WASHC1: variants seen among roughly 807,000 people sequenced by gnomAD.
WASHC1 encodes WASH complex subunit 1, also known as CXYorf1-like protein on chromosome 9.
In WASHC1, 11 loss-of-function variants were observed where a neutral mutation model predicts 26.1. The observed-to-expected ratio is 0.42, with a 90% CI of 0.27 to 0.70. The LOEUF is 0.70. Among genes scored for constraint, WASHC1 ranks in the 30% least tolerant of loss-of-function variants. The pLI is 0.24. For missense variants in WASHC1, 96 were observed against 304.9 expected, an observed-to-expected ratio of 0.31 and a Z score of 5.10; for synonymous variants, 37 against 126.6, an observed-to-expected ratio of 0.29 and a Z score of 4.75.
chr9:16,925 G>GA, intron 7 of WASHC1, 40 bp downstream of exon 7: 1 of 850,760 alleles, frequency 1.2e-6, no homozygotes, highest in Non-Finnish European at 1.6e-6. Flanking sequence ...TGTGAGCAGG[G>GA]AGGTCCCCGG....
exon 11 of WASHC1, chr9:14,717 G>A (rs1452008982): frequency 4.2e-6 from 6 of 1,414,516 alleles, no homozygotes; most frequent in Non-Finnish European, 4.9e-6. Context: ...CCCTCCCAGG[G>A]AAGCAGGTCT....
At chr9:15,732 A>G (rs1200351278) in intron 9 of WASHC1, among the ~76,000 whole-genome samples, 177 bp downstream of exon 9, 7 of 114,388 alleles carry the variant, frequency 6.1e-5, no homozygotes, top group African/African-American at 2.8e-4. Flanking sequence ...TAGCCCAGGC[A>G]GGAGGGCTGA....
chr9:21,127 G>A (rs1309703395), intron 2 of WASHC1, among the ~76,000 whole-genome samples: 2 of 152,294 alleles, frequency 1.3e-5, no homozygotes, highest in African/African-American at 4.8e-5. Flanking sequence ...GGCTGTGCTG[G>A]GGCCTGAGCT....
chr9:22,275 A>T (rs1288260510), intron 2 of WASHC1, among the ~76,000 whole-genome samples: 1 of 146,678 alleles, frequency 6.8e-6, no homozygotes, highest in Non-Finnish European at 1.5e-5. Flanking sequence ...GGGATGGGTG[A>T]GTGTGGCTTC....
At chr9:20,736 T>C (rs1236404815) in intron 2 of WASHC1, among the ~76,000 whole-genome samples, 1 of 95,938 alleles carries the variant, frequency 1.0e-5, no homozygotes, top group Non-Finnish European at 1.9e-5. Flanking sequence ...GAACTTGCTT[T>C]AGACACAGTT....
In WASHC1 at chr9:14,957, G is replaced by C. The variant is rs1248729962; in HGVS notation, c.1265-17C>G. On this transcript the variant is annotated splice_polypyrimidine_tract_variant and intron_variant, in intron 10 of 10. Transcript: ENST00000442898. ...CAGAGATGCCTGGAGGGAAAAGGCT[G>C]AGTGAGGGTGGTTGGTGGGAAACCC... 19 of 1,341,318 alleles carry C rather than the reference G, an allele frequency of 1.4e-5. No individual in the cohort carries two copies. The highest frequency in any genetic ancestry group is 2.6e-4 in the Middle Eastern group (1 of 3,774). 83.1% of individuals were successfully genotyped at this position (1,341,318 alleles called of 1,614,324 possible). A position where few individuals can be genotyped will look rare whatever the true frequency, so the allele number is the denominator to read the frequency against.
At chr9:20,347 C>T in intron 2 of WASHC1, among the ~76,000 whole-genome samples, 1 of 17,700 alleles carries the variant, frequency 5.6e-5, no homozygotes, top group African/African-American at 7.9e-4. Context: ...CAGCGCATCT[C>T]GAGTCAGCAG....
In WASHC1 at chr9:17,123, G is replaced by C. The variant is rs1289210602; in HGVS notation, c.725C>G (p.Pro242Arg). 6.2e-5 allele frequency: 78 copies of C among 1,258,770 alleles called. 8 individuals are homozygous for C. In the African/African-American group the frequency reaches 1.6e-3, roughly 26 times the overall value. 78.0% of individuals were successfully genotyped at this position (1,258,770 alleles called of 1,614,324 possible). A position where few individuals can be genotyped will look rare whatever the true frequency, so the allele number is the denominator to read the frequency against. The change falls in exon 7 of 11, where the codon CCT becomes CGT. Residue 242 changes from proline (P) to arginine (R), a missense_variant. Coordinates refer to ENST00000442898, the Ensembl canonical transcript of WASHC1. ...CAGGTAGGATGGAACATGGATCTCA[G>C]GCACCTGGCCCAGGTCTGGCACATA...
rs746393172 is a variant in WASHC1, at chr9:14,809, A to G, written c.1396T>C (p.Ter466GlnextTer4). 5.0e-5 allele frequency: 77 copies of G among 1,540,164 alleles called. No homozygotes were observed. The South Asian group carries it at 8.0e-4, about 16-fold the overall frequency. The change falls in exon 11 of 11, where the codon TAG becomes CAG. Residue 466 changes from the stop codon to glutamine, a stop_lost. Transcript: ENST00000442898. Reference sequence around the variant, plus strand: ...GGGGGAAGGTGTCATGGAGCCCCCTACGATTCCCAGTCGTCCTCGTCCTCC... The same window carrying G: ...GGGGGAAGGTGTCATGGAGCCCCCTGCGATTCCCAGTCGTCCTCGTCCTCC...
At chr9:14,690 C>T (rs62530146) in exon 11 of WASHC1, 11 of 990,592 alleles carry the variant, frequency 1.1e-5, no homozygotes, top group Non-Finnish European at 1.5e-5. Flanking sequence ...TCTCCACACA[C>T]TGCTGGTTCC....
At position 17,084 on chromosome 9, in the gene WASHC1, C is replaced by G; in HGVS notation, c.764G>C (p.Gly255Ala). ...ACTGTACATGAGGTCGTTGGCAATG[C>G]CGGGCAGGTCAGGCAGGTAGGATGG... The change falls in exon 7 of 11, where the codon GGC (glycine) becomes GCC (alanine). Residue 255 changes from glycine (G) to alanine (A), a missense_variant. By Grantham distance (60) the Gly-to-Ala change is moderately conservative (BLOSUM62 0). This residue lies in a region of WASHC1 where 33 missense variants were observed against 57.6 expected (regional missense o/e 0.57). Coordinates refer to ENST00000442898, the Ensembl canonical transcript of WASHC1. 6.9e-7 allele frequency: 1 copy of G among 1,449,976 alleles called. No individual in the cohort carries two copies. The highest frequency in any genetic ancestry group is 9.1e-7 in the Non-Finnish European group (1 of 1,098,094). The allele number at this position is 1,449,976 out of a possible 1,614,324, so 89.8% of individuals were successfully genotyped here.
In WASHC1 at chr9:16,667, G is replaced by A. The variant is rs1158103484; in HGVS notation, c.1042+51C>T. 6.6e-5 allele frequency: 13 copies of A among 196,704 alleles called. 2 individuals are homozygous for A. Among genetic ancestry groups the A allele is most frequent in the South Asian group, 2.5e-4 (8 of 31,444 alleles). 12.2% of individuals were successfully genotyped at this position (196,704 alleles called of 1,614,324 possible). A position where few individuals can be genotyped will look rare whatever the true frequency, so the allele number is the denominator to read the frequency against. ...TAACAAACCCACAGAAAATCCACCC[G>A]AGTGCACTGAGCACGCCAGAAATCA... On this transcript the variant is annotated intron_variant, in intron 8 of 10. Coordinates refer to ENST00000442898, the Ensembl canonical transcript of WASHC1.
intron 1 of WASHC1, chr9:28,207 TCTTTATGTAA>T (rs1817460400): frequency 1.2e-5 from 1 of 86,340 alleles, no homozygotes; most frequent in Non-Finnish European, 2.1e-5. Context: ...TCATACTTTG[TCTTTATGTAA>T]ACCTAAATTA....
chr9:21,628 T>G (rs1387830958), intron 2 of WASHC1, among the ~76,000 whole-genome samples: 8 of 148,356 alleles, frequency 5.4e-5, no homozygotes, highest in East Asian at 4.2e-4. Context: ...CTGAATCAAC[T>G]TGAAGTCCTG....
rs1368325564 is a variant in WASHC1, at chr9:17,918, T to A, written c.409-63A>T. On this transcript the variant is annotated intron_variant, in intron 4 of 10. Coordinates refer to ENST00000442898, the Ensembl canonical transcript of WASHC1. Reference sequence around the variant, plus strand: ...TGGTGCTGGGCCTAATCAGCTGCCATCCCATCCCAGTCAGCCTCCTCTGGG... The same window carrying A: ...TGGTGCTGGGCCTAATCAGCTGCCAACCCATCCCAGTCAGCCTCCTCTGGG... The A allele has an allele frequency of 7.1e-5, 10 of 140,952 alleles. 1 individual carries two copies. The highest frequency in any genetic ancestry group is 1.2e-4 in the Non-Finnish European group (10 of 83,580). The allele number at this position is 140,952 out of a possible 1,614,324, so 8.7% of individuals were successfully genotyped here. A position where few individuals can be genotyped will look rare whatever the true frequency, so the allele number is the denominator to read the frequency against.
rs1190695088 is a variant in WASHC1 at position 23,697 on chromosome 9, A to G, written c.149+1154T>C. Among the ~76,000 whole-genome samples the G allele has an allele frequency of 4.7e-4, 61 of 129,668 alleles. 2 individuals carry two copies. The highest frequency in any genetic ancestry group is 1.7e-3 in the South Asian group (7 of 4,164). The allele number at this position is 129,668 out of a possible 152,430, so 85.1% of individuals were successfully genotyped here. A position where few individuals can be genotyped will look rare whatever the true frequency, so the allele number is the denominator to read the frequency against. Reference sequence around the variant, plus strand: ...TGAGTCAGGCAGTCACATACTTCCCACTGGGGTCTACCATGTGAGACATGG... The same window carrying G: ...TGAGTCAGGCAGTCACATACTTCCCGCTGGGGTCTACCATGTGAGACATGG... On this transcript the variant is annotated intron_variant, in intron 2 of 10. Transcript: ENST00000442898.
upstream of WASHC1, chr9:30,038 AAG>A (rs1817637276): frequency 6.7e-6 from 1 of 148,562 alleles, no homozygotes; most frequent in Non-Finnish European, 1.5e-5. Context: ...AATATATAAA[AAG>A]AGCATCATCA....
rs1291319500 is a variant in WASHC1, at chr9:15,975, T to C, written c.1129A>G (p.Lys377Glu). 2 of 1,258,440 alleles carry C rather than the reference T, an allele frequency of 1.6e-6. No individual in the cohort carries two copies. Among genetic ancestry groups the C allele is most frequent in the Non-Finnish European group, 2.2e-6 (2 of 890,146 alleles). 78.0% of individuals were successfully genotyped at this position (1,258,440 alleles called of 1,614,324 possible). Residue 377 changes from lysine to glutamate, a missense_variant, in exon 9 of 11, where the codon AAG (lysine) becomes GAG (glutamate). Coordinates refer to ENST00000442898, the Ensembl canonical transcript of WASHC1. ...TCCTTCATGCTGCGCAGCTTGGCCT[T>C]GCCGATGCCCCCAGCTTGGCGGATG...
chr9:14,543 T>G, exon 11 of WASHC1: 1 of 600,356 alleles, frequency 1.7e-6, no homozygotes, highest in South Asian at 2.0e-5. Context: ...TATTGATTGG[T>G]GTGCCGTTTT....
Sources: gnomAD v4.1 joint callset for allele counts (sites outside exome capture counted in the v4.1 genomes callset) on GRCh38, gnomAD v4.1.1 for gene constraint, gnomAD v4.1.1 regional missense constraint, MANE v1.5 for transcripts, NCBI Gene and HGNC (gene_info 2026-07-23, HGNC 2026-07-21) for gene names.